The following ACADM variants were observed in gnomAD, a reference collection of about 807,000 sequenced individuals.
ACADM encodes medium-chain specific acyl-CoA dehydrogenase, mitochondrial.
A neutral mutation model predicts 58.9 loss-of-function variants in ACADM; 49 were observed. That is an observed-to-expected ratio of 0.83 (90% CI 0.66 to 1.06). The LOEUF is 1.06. Among genes scored for constraint, ACADM ranks in the 50% least tolerant of loss-of-function variants. The pLI is 0.00. For synonymous variants in ACADM, 160 were observed against 157.7 expected, an observed-to-expected ratio of 1.01 and a Z score of -0.11; for missense variants, 496 against 507.0, an observed-to-expected ratio of 0.98 and a Z score of 0.21.
chr1:75,744,765 G>A (rs1267802125), intron 7 of ACADM: 7 of 687,768 alleles, frequency 1.0e-5, no homozygotes, highest in Admixed American at 2.1e-5. Flanking sequence ...CAGTGGGACC[G>A]GGACAGCATC....
rs77931234 is a variant in ACADM at position 75,761,161 on chromosome 1, A to G, written c.985A>G (p.Lys329Glu). ...ATTTATGCTGGCTGAAATGGCAATG[A>G]AAGTTGAACTAGCTAGAATGAGTTA... is the stretch of plus-strand genomic sequence containing the variant. ...ISFMLAEMAM[K>E]VELARMSYQR... Residue 329 changes from lysine (K) to glutamate (E), a missense_variant, in exon 11 of 12, where the codon AAA becomes GAA. Lys to Glu is a moderately conservative substitution (Grantham distance 56, BLOSUM62 1). Coordinates refer to ENST00000370841, the MANE Select transcript of ACADM (RefSeq NM_000016.6). 9,398 of 1,614,074 alleles carry G rather than the reference A, an allele frequency of 5.8e-3. 19 individuals carry two copies. The highest frequency in any genetic ancestry group is 7.5e-3 in the Non-Finnish European group (8,825 of 1,179,890).
chr1:75,745,786 C>T lies in ACADM; in HGVS notation c.600-20C>T. On this transcript the variant is annotated intron_variant, in intron 7 of 11. Coordinates refer to ENST00000370841, the MANE Select transcript of ACADM (RefSeq NM_000016.6). The stretch of plus-strand genomic sequence containing the variant: ...TATTTGCCGATATTATCACCATTAT[C>T]CGGTATGTGTATCTCTTAGGTATTT... 6.5e-7 allele frequency: 1 copy of T among 1,536,368 alleles called. No homozygotes were observed. Among genetic ancestry groups the T allele is most frequent in the Non-Finnish European group, 9.0e-7 (1 of 1,109,370 alleles).
chr1:75,744,443 A>G (rs1647773336), intron 7 of ACADM: 3 of 1,519,322 alleles, frequency 2.0e-6, no homozygotes, highest in Non-Finnish European at 2.7e-6. Flanking sequence ...ACCTGCACCA[A>G]TGTCTTGTCA....
intron 10 of ACADM, among the ~76,000 whole-genome samples, chr1:75,760,580 A>AAAAAAAAAAAAAAAAAAAAAAAAG (rs1648785719): frequency 7.7e-6 from 1 of 129,754 alleles, no homozygotes. Context: ...AAAAAAAAAA[A>AAAAAAAAAAAAAAAAAAAAAAAAG]TCAGGCAAAC....
chr1:75,728,965 C>G (rs1414850573), intron 2 of ACADM, among the ~76,000 whole-genome samples: 1 of 152,098 alleles, frequency 6.6e-6, no homozygotes, highest in African/African-American at 2.4e-5. Flanking sequence ...TTTTTTTCCT[C>G]TGCCCTCTAT....
chr1:75,726,625 A>G (rs1244644219), intron 1 of ACADM, among the ~76,000 whole-genome samples: 1 of 152,090 alleles, frequency 6.6e-6, no homozygotes. Flanking sequence ...GACTTTGCCT[A>G]ATTTAGTTGA....
intron 10 of ACADM, chr1:75,750,754 T>A (rs1248250006): frequency 4.1e-6 from 2 of 493,296 alleles, no homozygotes; most frequent in African/African-American, 4.1e-5. Flanking sequence ...GCTATGCATT[T>A]TTTTTTTTTT....
Position 75,745,849 on chromosome 1 carries a change from G to A in ACADM, c.643G>A (p.Ala215Thr). ...TTCTGATCCAGATCCTAAAGCTCCT[G>A]CTAATAAAGCCTTTACTGGATTCAT... ...ARSDPDPKAP[A>T]NKAFTGFIVE... The change falls in exon 8 of 12, where the codon GCT becomes ACT. Residue 215 changes from alanine to threonine, a missense_variant. By Grantham distance (58) the Ala-to-Thr change is moderately conservative. Transcript: ENST00000370841. The A allele has an allele frequency of 6.2e-7, 1 of 1,613,910 alleles. No individual in the cohort carries two copies. The highest frequency in any genetic ancestry group is 2.2e-5 in the East Asian group (1 of 44,832).
At chr1:75,738,480 C>A (rs1647391651) in intron 6 of ACADM, among the ~76,000 whole-genome samples, 1 of 152,098 alleles carries the variant, frequency 6.6e-6, no homozygotes, top group South Asian at 2.1e-4. Flanking sequence ...CCTCGGCCTC[C>A]CAAAGTGCTG....
chr1:75,745,974 TACTTA>T (rs1647879832), intron 8 of ACADM, 60 bp downstream of exon 8: 1 of 1,180,824 alleles, frequency 8.5e-7, no homozygotes, highest in South Asian at 1.3e-5. Flanking sequence ...ATTGCAAAAT[TACTTA>T]ACTTTCCTTT....
At position 75,724,717 on chromosome 1, in the gene ACADM, C is replaced by T. The variant is rs1647017610; in HGVS notation, c.-71C>T. 3.9e-6 allele frequency: 6 copies of T among 1,529,022 alleles called. No homozygotes were observed. The highest frequency in any genetic ancestry group is 2.0e-5 in the Admixed American group (1 of 50,540). 94.7% of individuals were successfully genotyped at this position (1,529,022 alleles called of 1,614,324 possible). A position where few individuals can be genotyped will look rare whatever the true frequency, so the allele number is the denominator to read the frequency against. ...CTCCAGTGGGCGGGACCAGAGGAGT[C>T]CCGCGTTCGGGGAGTATGTCAAGGC... On this transcript the variant is annotated 5_prime_UTR_variant, in exon 1 of 12. Transcript: ENST00000370841.
chr1:75,730,642 G>C (rs1237060873), intron 2 of ACADM, among the ~76,000 whole-genome samples: 4 of 150,956 alleles, frequency 2.6e-5, no homozygotes, highest in Non-Finnish European at 5.9e-5. Context: ...TCAGCTTCCT[G>C]AGCAGTTAGG....
chr1:75,749,031 T>C (rs887477875), intron 8 of ACADM, among the ~76,000 whole-genome samples: 1 of 152,240 alleles, frequency 6.6e-6, no homozygotes, highest in Non-Finnish European at 1.5e-5. Context: ...CTTTCAAACA[T>C]ATAATGAGAT....
chr1:75,757,007 A>G (rs1648545225), intron 10 of ACADM, among the ~76,000 whole-genome samples: 1 of 152,220 alleles, frequency 6.6e-6, no homozygotes, highest in African/African-American at 2.4e-5. Flanking sequence ...GGCTAGCCAT[A>G]TGTAGAAAGC....
At chr1:75,725,406 ATTAAG>A (rs966324085) in intron 1 of ACADM, among the ~76,000 whole-genome samples, 19 of 152,134 alleles carry the variant, frequency 1.2e-4, no homozygotes, top group African/African-American at 4.4e-4. Flanking sequence ...GTCACTTAAA[ATTAAG>A]TTAAAGTTAT....
intron 10 of ACADM, chr1:75,750,752 T>C (rs1418320677): frequency 6.9e-6 from 1 of 144,870 alleles, no homozygotes; most frequent in South Asian, 1.9e-4. Flanking sequence ...GTGCTATGCA[T>C]TTTTTTTTTT....
intron 10 of ACADM, among the ~76,000 whole-genome samples, chr1:75,758,722 A>G (rs928308328): frequency 1.2e-4 from 18 of 152,218 alleles, no homozygotes; most frequent in African/African-American, 2.9e-4. Flanking sequence ...AAACTCACCA[A>G]TCAGCACTGT....
chr1:75,750,557 T>G lies in ACADM; in HGVS notation c.945+11T>G. On this transcript the variant is annotated intron_variant, in intron 10 of 11. Transcript: ENST00000370841. ...AAGCTACTTGTAGAGGTAATTTTAATACTGCTTGCTTTGTTCAAATGTAAA... is the reference window on the plus strand; with the variant it reads ...AAGCTACTTGTAGAGGTAATTTTAAGACTGCTTGCTTTGTTCAAATGTAAA... The G allele has an allele frequency of 2.6e-6, 4 of 1,549,626 alleles. No homozygotes were observed. The South Asian group carries it at 4.5e-5, about 17-fold the overall frequency.
chr1:75,728,344 C>T (rs1406605259), intron 1 of ACADM, 57 bp from the exon 2 acceptor site: 4 of 1,422,938 alleles, frequency 2.8e-6, no homozygotes, highest in Admixed American at 3.5e-5. Context: ...TCAGTAGTCT[C>T]TTATCTGATT....
Sources: allele counts gnomAD v4.1 joint callset (sites outside exome capture counted in the v4.1 genomes callset), GRCh38; gene constraint gnomAD v4.1.1; transcripts MANE v1.5; gene names NCBI Gene and HGNC (gene_info 2026-07-23, HGNC 2026-07-21).